The following ARFIP1 variants were observed in gnomAD, a reference collection of about 807,000 sequenced individuals.
ARFIP1 encodes the protein arfaptin-1.
Under a neutral mutation model 42.5 loss-of-function variants are expected in ARFIP1, and 24 were observed. The ratio of observed to expected loss-of-function variants is 0.57; its 90% CI spans 0.41 to 0.80. The LOEUF (loss-of-function observed/expected upper bound fraction) is 0.80, where lower values mean the gene tolerates loss of function less well. ARFIP1 is among the 30% of genes least tolerant of loss of function. The pLI is 0.00. For synonymous variants in ARFIP1, 141 were observed against 153.7 expected (o/e 0.92, Z 0.61); for missense variants, 354 against 434.0 (o/e 0.82, Z 1.64).
At chr4:152,862,871 T>G (rs1335130651) in intron 2 of ARFIP1, among the ~76,000 whole-genome samples, 1 of 152,200 alleles carries the variant, frequency 6.6e-6, no homozygotes, top group East Asian at 1.9e-4. Context: ...ACAGTTTTAC[T>G]TGGCCTTTTT....
intron 7 of ARFIP1, 54 bp downstream of exon 7, chr4:152,882,934 G>T: frequency 6.5e-7 from 1 of 1,537,986 alleles, no homozygotes. Flanking sequence ...ATATAATTCA[G>T]TTAATTTTTT....
intron 1 of ARFIP1, among the ~76,000 whole-genome samples, chr4:152,813,055 C>T (rs904591120): frequency 4.6e-5 from 7 of 152,180 alleles, no homozygotes; most frequent in African/African-American, 1.7e-4. Flanking sequence ...ACTGTCAGCC[C>T]TCCCTGTCCA....
At chr4:152,789,530 GTCTC>G (rs925795670) in intron 1 of ARFIP1, among the ~76,000 whole-genome samples, 1 of 152,144 alleles carries the variant, frequency 6.6e-6, no homozygotes, top group Admixed American at 6.5e-5. Flanking sequence ...TTAGAAGAAA[GTCTC>G]TCTGTGAAGC....
At chr4:152,908,891 A>AATGT (rs1554037506) in intron 8 of ARFIP1, among the ~76,000 whole-genome samples, 2 of 132,464 alleles carry the variant, frequency 1.5e-5, no homozygotes, top group African/African-American at 5.8e-5. Flanking sequence ...GCTAGAGAGA[A>AATGT]GTGTGTGTGT....
At chr4:152,834,639 C>T (rs1255849230) in intron 2 of ARFIP1, among the ~76,000 whole-genome samples, 1 of 152,230 alleles carries the variant, frequency 6.6e-6, no homozygotes, top group Non-Finnish European at 1.5e-5. Flanking sequence ...ACGGGATGGG[C>T]ACCTCAGGCT....
intron 2 of ARFIP1, among the ~76,000 whole-genome samples, chr4:152,855,671 C>A (rs956161088): frequency 6.6e-6 from 1 of 152,194 alleles, no homozygotes; most frequent in African/African-American, 2.4e-5. Flanking sequence ...TCTCAGGGAG[C>A]ATGTGGGACC....
intron 1 of ARFIP1, among the ~76,000 whole-genome samples, chr4:152,818,461 C>G (rs1730087542): frequency 6.6e-6 from 1 of 152,206 alleles, no homozygotes; most frequent in African/African-American, 2.4e-5. Context: ...CAGACTCCAG[C>G]AGGGACGGAG....
At chr4:152,782,656 A>C (rs1561091598) in intron 1 of ARFIP1, among the ~76,000 whole-genome samples, 1 of 152,236 alleles carries the variant, frequency 6.6e-6, no homozygotes, top group Admixed American at 6.5e-5. Context: ...AAAACAAACA[A>C]GATGTTTCAG....
At chr4:152,870,162 A>G (rs1366392841) in intron 3 of ARFIP1, among the ~76,000 whole-genome samples, 1 of 152,214 alleles carries the variant, frequency 6.6e-6, no homozygotes, top group African/African-American at 2.4e-5. Flanking sequence ...ATTTCTAACA[A>G]GCGTCCAGGT....
intron 1 of ARFIP1, among the ~76,000 whole-genome samples, chr4:152,813,540 T>G (rs1456364243): frequency 6.6e-6 from 1 of 152,214 alleles, no homozygotes; most frequent in African/African-American, 2.4e-5. Context: ...ATTTTTATTT[T>G]TCTGATTACT....
Position 152,910,310 on chromosome 4 carries a change from G to A in ARFIP1, c.*91G>A. ...AGCAGAGTTGGGGGAAGTGGGAGGG[G>A]TGACAAGCATTATAGTGATTCTTGC... On this transcript the variant is annotated 3_prime_UTR_variant, in exon 9 of 9. Transcript: ENST00000353617. The A allele has an allele frequency of 1.4e-6, 2 of 1,413,048 alleles. No individual in the cohort carries two copies. The highest frequency in any genetic ancestry group is 1.4e-5 in the African/African-American group (1 of 69,512). 87.5% of individuals were successfully genotyped at this position (1,413,048 alleles called of 1,614,324 possible). A position where few individuals can be genotyped will look rare whatever the true frequency, so the allele number is the denominator to read the frequency against.
At chr4:152,825,494 G>A (rs1457916301) in intron 1 of ARFIP1, among the ~76,000 whole-genome samples, 2 of 152,186 alleles carry the variant, frequency 1.3e-5, no homozygotes, top group African/African-American at 4.8e-5. Flanking sequence ...GGATAACCAT[G>A]TAGAAGAATG....
intron 1 of ARFIP1, among the ~76,000 whole-genome samples, chr4:152,825,735 C>G (rs1034214642): frequency 6.6e-6 from 1 of 152,120 alleles, no homozygotes; most frequent in African/African-American, 2.4e-5. Context: ...AAATAATCAT[C>G]AGAATAAACA....
intron 2 of ARFIP1, among the ~76,000 whole-genome samples, chr4:152,856,195 T>C (rs1006952713): frequency 6.6e-6 from 1 of 152,230 alleles, no homozygotes; most frequent in African/African-American, 2.4e-5. Flanking sequence ...TTAGCTCCCC[T>C]CCTCTCAGAT....
intron 3 of ARFIP1, among the ~76,000 whole-genome samples, chr4:152,867,347 C>G (rs1217423881): frequency 2.0e-5 from 3 of 151,586 alleles, no homozygotes; most frequent in Non-Finnish European, 4.4e-5. Context: ...AACACAAAAA[C>G]CAGTCAGGCA....
At chr4:152,886,363 C>T (rs1736263532) in intron 7 of ARFIP1, among the ~76,000 whole-genome samples, 2 of 151,962 alleles carry the variant, frequency 1.3e-5, no homozygotes, top group Non-Finnish European at 2.9e-5. Flanking sequence ...TGTAGGGCTG[C>T]TTACTTTCAA....
At chr4:152,909,825 G>A (rs1182591875) in intron 8 of ARFIP1, among the ~76,000 whole-genome samples, 1 of 151,986 alleles carries the variant, frequency 6.6e-6, no homozygotes, top group Admixed American at 6.6e-5. Context: ...TGGTTAATAG[G>A]GTATATATTT....
At chr4:152,812,704 CTCTGGCCTTT>C (rs1274840150) in intron 1 of ARFIP1, among the ~76,000 whole-genome samples, 1 of 152,216 alleles carries the variant, frequency 6.6e-6, no homozygotes, top group African/African-American at 2.4e-5. Context: ...TAGACTCAAT[CTCTGGCCTTT>C]CCAAGCCAAA....
intron 2 of ARFIP1, among the ~76,000 whole-genome samples, chr4:152,847,062 C>G (rs1732591226): frequency 6.7e-6 from 1 of 148,584 alleles, no homozygotes; most frequent in Non-Finnish European, 1.5e-5. Flanking sequence ...TGATTTTGTC[C>G]TAGCAATCCC....
Sources: gnomAD v4.1 joint callset for allele counts (sites outside exome capture counted in the v4.1 genomes callset) on GRCh38, gnomAD v4.1.1 for gene constraint, MANE v1.5 for transcripts, NCBI Gene and HGNC (gene_info 2026-07-23, HGNC 2026-07-21) for gene names.